The following ABCB1 variants were observed in gnomAD, a reference collection of about 807,000 sequenced individuals.
ABCB1 encodes ATP-dependent translocase ABCB1.
ABCB1 carries 69 observed loss-of-function variants against 142.0 expected under a neutral mutation model. The observed-to-expected ratio is 0.49, with a 90% CI of 0.40 to 0.59. The LOEUF (loss-of-function observed/expected upper bound fraction) is 0.59, where lower values mean the gene tolerates loss of function less well. Ranked by LOEUF, ABCB1 falls within the 20% of genes least tolerant of loss-of-function variation. The pLI, the probability that ABCB1 is intolerant of heterozygous loss-of-function variation, is 0.00. For missense variants in ABCB1, 1,326 were observed against 1,554.7 expected (o/e 0.85, Z 2.47); for synonymous variants, 532 against 539.2 (o/e 0.99, Z 0.18).
At position 87,566,994 on chromosome 7, in the gene ABCB1, C is replaced by T. The variant is rs1246075739; in HGVS notation, c.339-18G>A. The T allele has an allele frequency of 8.7e-6, 14 of 1,610,150 alleles. No homozygotes were observed. The highest frequency in any genetic ancestry group is 1.1e-5 in the Non-Finnish European group (13 of 1,176,554). On this transcript the variant is annotated intron_variant, in intron 5 of 27. Transcript: ENST00000622132. ...AGGCATACCTGAAAAACAACAAGAA[C>T]ACTGCACATGCTCTCTGTTTCCTAA...
intron 1 of ABCB1, among the ~76,000 whole-genome samples, chr7:87,692,329 C>T (rs148826652): frequency 2.0e-5 from 3 of 152,248 alleles, no homozygotes; most frequent in Non-Finnish European, 4.4e-5. Context: ...TGGTGGCACG[C>T]ACCTGTAGTC....
At chr7:87,534,654 C>T (rs923096577) in intron 20 of ABCB1, among the ~76,000 whole-genome samples, 3 of 152,056 alleles carry the variant, frequency 2.0e-5, no homozygotes, top group African/African-American at 7.2e-5. Context: ...CAGCTCACAC[C>T]TGTAATCTCA....
At chr7:87,563,233 T>C in intron 7 of ABCB1, 1 of 271,310 alleles carries the variant, frequency 3.7e-6, no homozygotes, top group Admixed American at 4.5e-5. Flanking sequence ...CTGCCAAATG[T>C]AAAAAGAAGA....
intron 8 of ABCB1, among the ~76,000 whole-genome samples, chr7:87,554,281 C>T (rs980554034): frequency 2.0e-5 from 3 of 149,664 alleles, no homozygotes; most frequent in Non-Finnish European, 3.0e-5. Flanking sequence ...GTCTTTCCTT[C>T]AAAATCTGCA....
intron 1 of ABCB1, among the ~76,000 whole-genome samples, chr7:87,619,261 T>G (rs550358261): frequency 3.4e-4 from 52 of 152,314 alleles, no homozygotes; most frequent in African/African-American, 1.2e-3. Flanking sequence ...TAAGCTTGGC[T>G]GGGCACAGTG....
intron 14 of ABCB1, among the ~76,000 whole-genome samples, chr7:87,546,568 T>A (rs7787421): frequency 1.4e-3 from 197 of 145,100 alleles, no homozygotes; most frequent in Non-Finnish European, 2.4e-3. Context: ...AAAAAAAAAA[T>A]AAAAAATAAA....
chr7:87,651,889 T>C (rs1321106797), intron 1 of ABCB1, among the ~76,000 whole-genome samples: 1 of 152,086 alleles, frequency 6.6e-6, no homozygotes, highest in Non-Finnish European at 1.5e-5. Context: ...TAAAACGGGG[T>C]TTGTAAAATT....
At chr7:87,646,258 A>C (rs889564141) in intron 1 of ABCB1, among the ~76,000 whole-genome samples, 7 of 152,174 alleles carry the variant, frequency 4.6e-5, no homozygotes, top group African/African-American at 1.4e-4. Context: ...TGATGATATG[A>C]AAATATATGC....
intron 1 of ABCB1, among the ~76,000 whole-genome samples, chr7:87,677,566 A>G (rs1585075750): frequency 1.3e-5 from 2 of 152,160 alleles, no homozygotes; most frequent in Non-Finnish European, 2.9e-5. Context: ...ACAAGCCTTC[A>G]GTTATAAGAT....
At chr7:87,586,434 A>G (rs1435850383) in intron 3 of ABCB1, among the ~76,000 whole-genome samples, 1 of 152,182 alleles carries the variant, frequency 6.6e-6, no homozygotes, top group Non-Finnish European at 1.5e-5. Context: ...CCTATAACTC[A>G]AGGAACTAGC....
chr7:87,515,045 G>A (rs1349593608), intron 25 of ABCB1, among the ~76,000 whole-genome samples, 186 bp downstream of exon 25: 1 of 152,218 alleles, frequency 6.6e-6, no homozygotes, highest in Non-Finnish European at 1.5e-5. Context: ...GTGTTGAGGG[G>A]AGCCTGGAGA....
intron 4 of ABCB1, among the ~76,000 whole-genome samples, chr7:87,582,150 T>C (rs1818536329): frequency 6.6e-6 from 1 of 152,100 alleles, no homozygotes; most frequent in African/African-American, 2.4e-5. Flanking sequence ...CATGGAAGGA[T>C]AGACAATGGT....
intron 4 of ABCB1, among the ~76,000 whole-genome samples, chr7:87,570,773 A>G (rs1488220896): frequency 6.6e-6 from 1 of 152,198 alleles, no homozygotes; most frequent in African/African-American, 2.4e-5. Flanking sequence ...ACAGACACAC[A>G]CACACACACT....
chr7:87,672,464 T>C (rs957848237), intron 1 of ABCB1, among the ~76,000 whole-genome samples: 16 of 152,124 alleles, frequency 1.1e-4, no homozygotes, highest in African/African-American at 2.4e-5. Context: ...CAGTGGGTCT[T>C]ATCTTGTGGG....
intron 1 of ABCB1, among the ~76,000 whole-genome samples, chr7:87,707,735 T>C (rs1031242390): frequency 1.3e-5 from 2 of 152,064 alleles, no homozygotes; most frequent in African/African-American, 4.8e-5. Context: ...TATACATTCT[T>C]ATCATACACC....
intron 1 of ABCB1, among the ~76,000 whole-genome samples, chr7:87,609,816 G>T (rs1267290368): frequency 6.6e-6 from 1 of 151,774 alleles, no homozygotes; most frequent in Non-Finnish European, 1.5e-5. Flanking sequence ...ACCAAAGCTG[G>T]CCAACTGAGG....
intron 20 of ABCB1, among the ~76,000 whole-genome samples, chr7:87,536,167 G>C (rs1816280129): frequency 1.3e-5 from 2 of 152,014 alleles, no homozygotes; most frequent in African/African-American, 4.8e-5. Context: ...GTTTTATGTT[G>C]ATTGAGCACT....
intron 1 of ABCB1, chr7:87,710,489 A>G (rs1265231229): frequency 5.3e-6 from 4 of 749,518 alleles, no homozygotes; most frequent in South Asian, 3.4e-5. Flanking sequence ...TGTTCTTTAC[A>G]TATTAAAATA....
At chr7:87,648,261 G>A (rs1275964172) in intron 1 of ABCB1, among the ~76,000 whole-genome samples, 1 of 151,798 alleles carries the variant, frequency 6.6e-6, no homozygotes, top group Non-Finnish European at 1.5e-5. Context: ...TATAAAGGGA[G>A]TTACAGAAGA....
Sources: gnomAD v4.1 joint callset for allele counts (sites outside exome capture counted in the v4.1 genomes callset) on GRCh38, gnomAD v4.1.1 for gene constraint, MANE v1.5 for transcripts, NCBI Gene and HGNC (gene_info 2026-07-23, HGNC 2026-07-21) for gene names.